Variants in ZNF521 observed in about 807,000 individuals in gnomAD.
ZNF521 encodes zinc finger protein 521.
ZNF521 carries 14 observed loss-of-function variants against 105.5 expected under a neutral mutation model. That is an observed-to-expected ratio of 0.13 (90% CI 0.09 to 0.21). The LOEUF (loss-of-function observed/expected upper bound fraction) is 0.21, where lower values mean the gene tolerates loss of function less well. Among genes scored for constraint, ZNF521 ranks in the 10% least tolerant of loss-of-function variants. The pLI, the probability that ZNF521 is intolerant of heterozygous loss-of-function variation, is 1.00. For synonymous variants in ZNF521, 635 were observed against 606.0 expected (o/e 1.05, Z -0.70); for missense variants, 1,233 against 1,629.7 (o/e 0.76, Z 4.19).
chr18:25,256,720 G>T (rs984345202), intron 3 of ZNF521, among the ~76,000 whole-genome samples: 6 of 151,942 alleles, frequency 3.9e-5, no homozygotes, highest in African/African-American at 1.5e-4. Context: ...GAGGAAATGG[G>T]GCAATCTAAG....
At chr18:25,065,848 CTCAA>C (rs2033044797) in intron 7 of ZNF521, among the ~76,000 whole-genome samples, 1 of 152,144 alleles carries the variant, frequency 6.6e-6, no homozygotes, top group South Asian at 2.1e-4. Flanking sequence ...TGCTTTCATC[CTCAA>C]TCAAAGCCAT....
At chr18:25,277,446 T>G (rs1024858931) in intron 3 of ZNF521, among the ~76,000 whole-genome samples, 2 of 152,124 alleles carry the variant, frequency 1.3e-5, no homozygotes, top group African/African-American at 4.8e-5. Context: ...TACATAAATC[T>G]AACTTGGGTT....
intron 5 of ZNF521, among the ~76,000 whole-genome samples, chr18:25,168,429 A>G (rs2035387635): frequency 6.6e-6 from 1 of 152,124 alleles, no homozygotes. Context: ...CTACTGCTAG[A>G]TAATCAAATT....
chr18:25,074,699 C>G (rs1319238386), intron 7 of ZNF521, among the ~76,000 whole-genome samples: 1 of 152,160 alleles, frequency 6.6e-6, no homozygotes, highest in Non-Finnish European at 1.5e-5. Flanking sequence ...GCTGCCCCCA[C>G]TCTCTACCCT....
intron 5 of ZNF521, among the ~76,000 whole-genome samples, chr18:25,101,801 A>G (rs2033970489): frequency 6.6e-6 from 1 of 152,198 alleles, no homozygotes. Flanking sequence ...TGTGAACTCA[A>G]CAACATTCAT....
rs772469506 is a variant in ZNF521, at chr18:25,235,725, G to A, written c.221-8028C>T. Among the ~76,000 whole-genome samples the A allele has an allele frequency of 2.5e-4, 38 of 152,116 alleles. 1 individual carries two copies. Among genetic ancestry groups the A allele is most frequent in the Non-Finnish European group, 7.3e-5 (5 of 68,038 alleles). ...GTATTATAACCATGGCAGTAGTAACGCCAACATGAATTTTCGGCAGCCTGA... is the reference window on the plus strand; with the variant it reads ...GTATTATAACCATGGCAGTAGTAACACCAACATGAATTTTCGGCAGCCTGA... On this transcript the variant is annotated intron_variant, in intron 3 of 7. Transcript: ENST00000361524.
At chr18:25,299,474 T>G (rs763676294) in intron 3 of ZNF521, among the ~76,000 whole-genome samples, 6 of 152,184 alleles carry the variant, frequency 3.9e-5, no homozygotes, top group Non-Finnish European at 8.8e-5. Flanking sequence ...TGCAGTACTC[T>G]CATTAGGAGA....
At chr18:25,250,647 C>T (rs565268192) in intron 3 of ZNF521, among the ~76,000 whole-genome samples, 11 of 152,124 alleles carry the variant, frequency 7.2e-5, no homozygotes, top group African/African-American at 2.4e-4. Context: ...TAGTGAACTC[C>T]GATGTTATCA....
At chr18:25,283,311 T>A (rs140630197) in intron 3 of ZNF521, among the ~76,000 whole-genome samples, 1 of 152,330 alleles carries the variant, frequency 6.6e-6, no homozygotes, top group South Asian at 2.1e-4. Flanking sequence ...CTCCTACTCA[T>A]GAGGATTGCT....
chr18:25,261,725 AAC>A (rs1191325679), intron 3 of ZNF521, among the ~76,000 whole-genome samples: 1 of 151,974 alleles, frequency 6.6e-6, no homozygotes, highest in Non-Finnish European at 1.5e-5. Context: ...CAGTCTCGGA[AAC>A]AGTGGTTCTC....
chr18:25,101,978 T>C (rs544354022), intron 5 of ZNF521, among the ~76,000 whole-genome samples: 6 of 152,244 alleles, frequency 3.9e-5, no homozygotes, highest in Admixed American at 3.3e-4. Context: ...TGTCAAAATA[T>C]ATCAGCAAAG....
chr18:25,282,111 G>C (rs1910417753), intron 3 of ZNF521, among the ~76,000 whole-genome samples: 5 of 151,966 alleles, frequency 3.3e-5, no homozygotes, highest in Admixed American at 3.3e-4. Flanking sequence ...AGAATCCAAG[G>C]GTTCCAAAAA....
intron 5 of ZNF521, among the ~76,000 whole-genome samples, chr18:25,113,389 T>G (rs1222453033): frequency 3.3e-5 from 5 of 152,158 alleles, no homozygotes; most frequent in African/African-American, 1.2e-4. Context: ...AACACACATC[T>G]GCATATCCAC....
intron 2 of ZNF521, among the ~76,000 whole-genome samples, chr18:25,325,468 T>C (rs1913164934): frequency 6.6e-6 from 1 of 152,194 alleles, no homozygotes; most frequent in East Asian, 1.9e-4. Flanking sequence ...CTGTAAGTAC[T>C]GCCCTGCCCC....
At chr18:25,305,593 A>G (rs1397367929) in intron 3 of ZNF521, among the ~76,000 whole-genome samples, 2 of 152,152 alleles carry the variant, frequency 1.3e-5, no homozygotes, top group Non-Finnish European at 2.9e-5. Flanking sequence ...AGACATCAAG[A>G]CCTTCCTAAA....
intron 3 of ZNF521, among the ~76,000 whole-genome samples, chr18:25,309,835 T>C (rs1453571818): frequency 2.6e-5 from 4 of 152,200 alleles, no homozygotes; most frequent in Non-Finnish European, 5.9e-5. Flanking sequence ...ATATACACTT[T>C]AAATAATTCA....
At chr18:25,250,330 C>G (rs1442362741) in intron 3 of ZNF521, among the ~76,000 whole-genome samples, 1 of 152,134 alleles carries the variant, frequency 6.6e-6, no homozygotes, top group Non-Finnish European at 1.5e-5. Context: ...AAGAGCCATC[C>G]CTCAGCTTTC....
intron 3 of ZNF521, among the ~76,000 whole-genome samples, chr18:25,318,622 T>C (rs1009968029): frequency 1.3e-5 from 2 of 152,220 alleles, no homozygotes; most frequent in Admixed American, 6.5e-5. Context: ...AAGCCAGGTT[T>C]CTCTCTGTTA....
At chr18:25,130,972 A>G (rs1434509389) in intron 5 of ZNF521, among the ~76,000 whole-genome samples, 2 of 152,002 alleles carry the variant, frequency 1.3e-5, no homozygotes, top group Non-Finnish European at 2.9e-5. Flanking sequence ...CAATCAATCA[A>G]TCAATCAATC....
Sources: allele counts gnomAD v4.1 joint callset (sites outside exome capture counted in the v4.1 genomes callset), GRCh38; gene constraint gnomAD v4.1.1; transcripts MANE v1.5; gene names NCBI Gene and HGNC (gene_info 2026-07-23, HGNC 2026-07-21).